The following KMO variants were observed in gnomAD, a reference collection of about 807,000 sequenced individuals.
The protein encoded by KMO is kynurenine 3-hydroxylase.
KMO carries 24 observed loss-of-function variants against 57.8 expected under a neutral mutation model. That is an observed-to-expected ratio of 0.42 (90% CI 0.30 to 0.58). The LOEUF is 0.58. KMO is among the 20% of genes least tolerant of loss of function. The probability of loss-of-function intolerance (pLI) is 0.22; values close to 1 mark genes in which losing one functional copy is unlikely to be tolerated. For missense variants in KMO, 483 were observed against 588.2 expected (o/e 0.82, Z 1.85); for synonymous variants, 210 against 193.6 (o/e 1.08, Z -0.70).
rs1259655390 is a variant in KMO, at chr1:241,582,033, C to T, written c.958-4646C>T. 3.3e-5 allele frequency among the ~76,000 whole-genome samples: 5 copies of T among 152,130 alleles called. No homozygotes were observed. The East Asian group carries it at 9.6e-4, about 29-fold the overall frequency. On this transcript the variant is annotated intron_variant, in intron 10 of 14. Coordinates refer to ENST00000366559, the MANE Select transcript of KMO (RefSeq NM_003679.5). ...TCATGTTTGTAGAATAATTTTGCTGCATACAATATTCTAAATTGGAAGCTT... is the reference window on the plus strand; with the variant it reads ...TCATGTTTGTAGAATAATTTTGCTGTATACAATATTCTAAATTGGAAGCTT...
At chr1:241,560,828 T>C (rs1014945335) in intron 6 of KMO, 76 bp downstream of exon 6, 34 of 952,414 alleles carry the variant, frequency 3.6e-5, no homozygotes, top group Non-Finnish European at 5.1e-6. Context: ...CTTTGTTCTT[T>C]GGCTCTTTTG....
At chr1:241,542,352 C>T (rs1188848972) in intron 1 of KMO, among the ~76,000 whole-genome samples, 1 of 152,062 alleles carries the variant, frequency 6.6e-6, no homozygotes, top group Non-Finnish European at 1.5e-5. Flanking sequence ...CAGCACATGA[C>T]CTGTAAATAA....
At position 241,594,480 on chromosome 1, in the gene KMO, C is replaced by G. The variant is rs751749041; in HGVS notation, c.*2327C>G. ...AACTTTGGACCCATTGGTTTTGTCG[C>G]TGTCGTCAACTGACAGTGATTCATC... On this transcript the variant is annotated 3_prime_UTR_variant, in exon 15 of 15. Transcript: ENST00000366559. 29 of 1,614,000 alleles carry G rather than the reference C, an allele frequency of 1.8e-5. No homozygotes were observed. The highest frequency in any genetic ancestry group is 2.4e-5 in the Non-Finnish European group (28 of 1,179,996).
Position 241,548,866 on chromosome 1 carries a change from A to G in KMO, c.92A>G (p.Asn31Ser). 2.5e-6 allele frequency: 4 copies of G among 1,607,702 alleles called. No individual in the cohort carries two copies. The highest frequency in any genetic ancestry group is 3.4e-6 in the Non-Finnish European group (4 of 1,174,588). The part of the protein sequence containing the change: ...SLQACFLAKR[N>S]FQIDVYEARE... ...CAAGCATGCTTTCTTGCAAAGAGGAATTTCCAGATTGATGTATATGAAGCT... is the reference window on the plus strand; with the variant it reads ...CAAGCATGCTTTCTTGCAAAGAGGAGTTTCCAGATTGATGTATATGAAGCT... Residue 31 changes from asparagine to serine, a missense_variant, in exon 2 of 15, where the codon AAT becomes AGT. Physicochemically the swap from Asn to Ser is conservative, Grantham distance 46. Transcript: ENST00000366559.
intron 1 of KMO, among the ~76,000 whole-genome samples, chr1:241,548,391 G>A (rs905398326): frequency 8.5e-5 from 13 of 152,092 alleles, no homozygotes; most frequent in African/African-American, 2.4e-4. Context: ...TAATGTTTAC[G>A]TCTATGTGAG....
chr1:241,561,466 T>C (rs570325787), intron 6 of KMO, among the ~76,000 whole-genome samples: 2 of 152,318 alleles, frequency 1.3e-5, no homozygotes, highest in African/African-American at 4.8e-5. Context: ...CTATCCTACT[T>C]TCTACTGGCT....
Position 241,594,719 on chromosome 1 carries a change from A to G in KMO, c.*2566A>G, listed in dbSNP as rs1663446188. 1 of 1,601,366 alleles carries G rather than the reference A, an allele frequency of 6.2e-7. No individual in the cohort carries two copies. Among genetic ancestry groups the G allele is most frequent in the African/African-American group, 1.3e-5 (1 of 74,326 alleles). On this transcript the variant is annotated 3_prime_UTR_variant, in exon 15 of 15. Transcript: ENST00000366559. ...GGGCAGAGAAAAAATAAAGTGGAAT[A>G]TTAAGTAAAAGTTGGGCACTAATCT...
chr1:241,555,556 A>C (rs1255972504), intron 4 of KMO, 56 bp from the exon 5 acceptor site: 42 of 941,466 alleles, frequency 4.5e-5, no homozygotes, highest in Non-Finnish European at 3.6e-5. Context: ...AATAACTTAG[A>C]ATTATATTTG....
At chr1:241,558,088 G>A (rs1038812493) in intron 5 of KMO, among the ~76,000 whole-genome samples, 5 of 152,210 alleles carry the variant, frequency 3.3e-5, no homozygotes, top group Non-Finnish European at 7.3e-5. Flanking sequence ...CACACTGTTA[G>A]TAAGTGGTAG....
chr1:241,585,622 T>A (rs1243659330), intron 10 of KMO, among the ~76,000 whole-genome samples: 2 of 151,970 alleles, frequency 1.3e-5, no homozygotes, highest in East Asian at 3.9e-4. Context: ...CTGGGCGTGG[T>A]GGTGCACGCC....
chr1:241,577,816 C>T (rs2147975707), intron 10 of KMO, among the ~76,000 whole-genome samples: 1 of 152,224 alleles, frequency 6.6e-6, no homozygotes, highest in East Asian at 1.9e-4. Flanking sequence ...TCAGAGGCCC[C>T]AGCCTTGACA....
chr1:241,567,621 A>G (rs1395333303), intron 9 of KMO, among the ~76,000 whole-genome samples: 1 of 152,226 alleles, frequency 6.6e-6, no homozygotes, highest in African/African-American at 2.4e-5. Flanking sequence ...TAAAATGGGT[A>G]TCTACCATGG....
At chr1:241,560,856 T>C in intron 6 of KMO, 104 bp downstream of exon 6, 2 of 781,306 alleles carry the variant, frequency 2.6e-6, no homozygotes, top group Admixed American at 4.4e-5. Context: ...TAAAAGATTA[T>C]TGAAAGGATC....
intron 1 of KMO, among the ~76,000 whole-genome samples, chr1:241,545,991 G>GA (rs1486869095): frequency 6.6e-6 from 1 of 152,118 alleles, no homozygotes; most frequent in Admixed American, 6.6e-5. Flanking sequence ...AAAATGTGGG[G>GA]AAAATCTGAG....
intron 10 of KMO, among the ~76,000 whole-genome samples, chr1:241,577,777 A>G (rs1662578971): frequency 6.6e-6 from 1 of 152,194 alleles, no homozygotes; most frequent in African/African-American, 2.4e-5. Flanking sequence ...TGGCTAAAGC[A>G]GGTGGGTAAA....
Position 241,592,755 on chromosome 1 carries a change from CATCT to C in KMO, c.*643_*646del, listed in dbSNP as rs3034552. Reference sequence around the variant, plus strand: ...ATCTATCATCTATCTATCTATCTATCATCTATCTATCTATCTATCTATCTATCTA... The same window carrying C: ...ATCTATCATCTATCTATCTATCTATCATCTATCTATCTATCTATCTATCTA... On this transcript the variant is annotated 3_prime_UTR_variant, in exon 15 of 15. Coordinates refer to ENST00000366559, the MANE Select transcript of KMO (RefSeq NM_003679.5). The C allele has an allele frequency of 0.059, 8,049 of 137,526 alleles. 282 individuals carry two copies. The highest frequency in any genetic ancestry group is 0.11 in the African/African-American group (4,362 of 38,786). The allele number at this position is 137,526 out of a possible 1,614,324, so 8.5% of individuals were successfully genotyped here.
intron 10 of KMO, among the ~76,000 whole-genome samples, chr1:241,574,590 A>G (rs1376430999): frequency 6.6e-6 from 1 of 151,874 alleles, no homozygotes; most frequent in East Asian, 1.9e-4. Flanking sequence ...CATATGTTAA[A>G]CCATTCCTGT....
chr1:241,575,882 T>C lies in KMO; in HGVS notation c.957+7235T>C, dbSNP rs551921311. The stretch of plus-strand genomic sequence containing the variant: ...TGTTAAAGTCCCCACTATTACTGTG[T>C]TGCTTTCTACCTAATTTCTTAGATT... On this transcript the variant is annotated intron_variant, in intron 10 of 14. Transcript: ENST00000366559. Among the ~76,000 whole-genome samples, 121 of 152,180 alleles carry C rather than the reference T, an allele frequency of 8.0e-4. 1 individual carries two copies. Among genetic ancestry groups the C allele is most frequent in the South Asian group, 1.0e-3 (5 of 4,826 alleles).
chr1:241,539,643 A>G (rs563971606), intron 1 of KMO, among the ~76,000 whole-genome samples: 1 of 152,330 alleles, frequency 6.6e-6, no homozygotes, highest in Non-Finnish European at 1.5e-5. Flanking sequence ...AGGAAGATTG[A>G]GCAGGCTCCT....
Sources: allele counts gnomAD v4.1 joint callset (sites outside exome capture counted in the v4.1 genomes callset), GRCh38; gene constraint gnomAD v4.1.1; transcripts MANE v1.5; gene names NCBI Gene and HGNC (gene_info 2026-07-23, HGNC 2026-07-21).